Variants in STK31 observed in about 807,000 individuals in gnomAD.
STK31 encodes serine/threonine-protein kinase 31.
In STK31, 89 loss-of-function variants were observed where a neutral mutation model predicts 129.7. The ratio of observed to expected loss-of-function variants is 0.69; its 90% CI spans 0.58 to 0.82. The LOEUF (loss-of-function observed/expected upper bound fraction) is 0.82. Among genes scored for constraint, STK31 ranks in the 40% least tolerant of loss-of-function variants. STK31 has a pLI of 0.00. For missense variants in STK31, 1,187 were observed against 1,176.4 expected, an observed-to-expected ratio of 1.01 and a Z score of -0.13; for synonymous variants, 448 against 395.3, an observed-to-expected ratio of 1.13 and a Z score of -1.58.
At chr7:23,731,314 A>C (rs1787420790) in intron 6 of STK31, among the ~76,000 whole-genome samples, 1 of 152,178 alleles carries the variant, frequency 6.6e-6, no homozygotes, top group African/African-American at 2.4e-5. Flanking sequence ...TTTAGTTATT[A>C]ATTCTCAGCC....
At chr7:23,825,397 T>C (rs1464456401) in intron 23 of STK31, among the ~76,000 whole-genome samples, 9 of 152,266 alleles carry the variant, frequency 5.9e-5, no homozygotes, top group Admixed American at 5.2e-4. Context: ...GAGGTGTTTA[T>C]AGTATTCTCT....
At chr7:23,786,042 GA>G (rs199684197) in intron 18 of STK31, among the ~76,000 whole-genome samples, 12 of 148,668 alleles carry the variant, frequency 8.1e-5, no homozygotes, top group Admixed American at 4.0e-4. Flanking sequence ...TGTCTCACAA[GA>G]AAAAAAAATA....
At chr7:23,726,888 C>T (rs963691843) in intron 4 of STK31, among the ~76,000 whole-genome samples, 13 of 152,018 alleles carry the variant, frequency 8.6e-5, no homozygotes, top group Non-Finnish European at 1.5e-4. Context: ...AAAAATTGTA[C>T]CAATTATCGC....
chr7:23,811,068 G>T (rs893767572), intron 22 of STK31: 2 of 158,642 alleles, frequency 1.3e-5, no homozygotes, highest in Non-Finnish European at 2.7e-5. Flanking sequence ...TCTAAAGGCC[G>T]GGTGTTGTGT....
At chr7:23,738,231 C>G (rs190684549) in intron 8 of STK31, among the ~76,000 whole-genome samples, 3 of 152,228 alleles carry the variant, frequency 2.0e-5, no homozygotes, top group East Asian at 3.9e-4. Flanking sequence ...TCAGAAACAG[C>G]CAAATAAATG....
At position 23,780,042 on chromosome 7, in the gene STK31, A is replaced by G. The variant is rs547331638; in HGVS notation, c.1966-1377A>G. ...AAGCATAGTATCTGGGCCAGAATGAACCGTTCCTGATGGCACAGTCCCTCA... is the reference window on the plus strand; with the variant it reads ...AAGCATAGTATCTGGGCCAGAATGAGCCGTTCCTGATGGCACAGTCCCTCA... On this transcript the variant is annotated intron_variant, in intron 15 of 23. Coordinates refer to ENST00000355870, the MANE Select transcript of STK31 (RefSeq NM_031414.5). 3.3e-5 allele frequency among the ~76,000 whole-genome samples: 5 copies of G among 152,248 alleles called. No individual in the cohort carries two copies. The East Asian group carries it at 5.8e-4, about 18-fold the overall frequency.
chr7:23,739,888 A>T (rs959857246), intron 8 of STK31, among the ~76,000 whole-genome samples: 1 of 152,146 alleles, frequency 6.6e-6, no homozygotes, highest in African/African-American at 2.4e-5. Context: ...CTTGTAGTAT[A>T]GTTTGAAGTC....
At chr7:23,778,172 C>T (rs1289086431) in intron 15 of STK31, among the ~76,000 whole-genome samples, 2 of 152,220 alleles carry the variant, frequency 1.3e-5, no homozygotes, top group African/African-American at 4.8e-5. Flanking sequence ...CCCCCACTCT[C>T]TTCTGGCATT....
chr7:23,747,563 T>C (rs940918709), intron 8 of STK31, among the ~76,000 whole-genome samples: 1 of 151,430 alleles, frequency 6.6e-6, no homozygotes, highest in African/African-American at 2.4e-5. Context: ...AGAGACGGGG[T>C]TTCACTATGT....
chr7:23,767,677 T>C (rs1488725073), intron 11 of STK31, among the ~76,000 whole-genome samples: 1 of 152,244 alleles, frequency 6.6e-6, no homozygotes, highest in African/African-American at 2.4e-5. Context: ...ATCTGTGTTC[T>C]TGTGCTGTAC....
intron 9 of STK31, among the ~76,000 whole-genome samples, chr7:23,753,402 C>A (rs73080988): frequency 0.092 from 14,023 of 152,090 alleles, 675 homozygotes; most frequent in East Asian, 0.12. Context: ...GCAAGGGTGT[C>A]ATGTCCAGGA....
intron 15 of STK31, among the ~76,000 whole-genome samples, chr7:23,781,093 CTAT>C (rs765887413): frequency 7.9e-5 from 12 of 152,290 alleles, no homozygotes; most frequent in South Asian, 6.2e-4. Flanking sequence ...ATTCTGGTTG[CTAT>C]TATTAACATT....
chr7:23,797,011 G>A (rs10226714), intron 22 of STK31, among the ~76,000 whole-genome samples: 1 of 151,442 alleles, frequency 6.6e-6, no homozygotes. Flanking sequence ...TCAAGAAAGT[G>A]TAAGAAGGGC....
Position 23,787,898 on chromosome 7 carries a change from G to A in STK31, c.2488-82G>A. The A allele has an allele frequency of 8.1e-6, 11 of 1,355,980 alleles. 1 individual carries two copies. The South Asian group carries it at 1.9e-4, about 23-fold the overall frequency. The allele number at this position is 1,355,980 out of a possible 1,614,324, so 84.0% of individuals were successfully genotyped here. A position where few individuals can be genotyped will look rare whatever the true frequency, so the allele number is the denominator to read the frequency against. ...CGAGGAAACTTTACTCACTTCTAGAGCAGTCTTTTAATTAGAGAACAGTTT... is the reference window on the plus strand; with the variant it reads ...CGAGGAAACTTTACTCACTTCTAGAACAGTCTTTTAATTAGAGAACAGTTT... On this transcript the variant is annotated intron_variant, in intron 20 of 23. Coordinates refer to ENST00000355870, the MANE Select transcript of STK31 (RefSeq NM_031414.5).
intron 6 of STK31, among the ~76,000 whole-genome samples, chr7:23,730,878 A>ATATATATATATATATATATATATATTTTT: frequency 4.7e-4 from 28 of 59,522 alleles, no homozygotes; most frequent in South Asian, 8.2e-4. Context: ...ATATATATAT[A>ATATATATATATATATATATATATATTTTT]TTTTTTTTTT....
chr7:23,823,649 G>A (rs913001655), intron 23 of STK31, among the ~76,000 whole-genome samples: 6 of 152,318 alleles, frequency 3.9e-5, no homozygotes, highest in Admixed American at 1.3e-4. Flanking sequence ...TGCTTTTGGT[G>A]TTTTAGACAT....
chr7:23,755,293 C>G (rs995105590), intron 10 of STK31: 1 of 152,118 alleles, frequency 6.6e-6, no homozygotes. Context: ...ACATAAATGT[C>G]TTCTTTTGAG....
intron 21 of STK31, among the ~76,000 whole-genome samples, chr7:23,788,787 G>GTAAT (rs1791451297): frequency 6.6e-6 from 1 of 152,080 alleles, no homozygotes. Context: ...GGCCAAATCA[G>GTAAT]TAATTATTTT....
intron 4 of STK31, among the ~76,000 whole-genome samples, chr7:23,719,354 A>C (rs1274687327): frequency 6.6e-6 from 1 of 152,060 alleles, no homozygotes; most frequent in Non-Finnish European, 1.5e-5. Flanking sequence ...TCCTCAACAA[A>C]AACTCCCTCC....
Sources: allele counts gnomAD v4.1 joint callset (sites outside exome capture counted in the v4.1 genomes callset), GRCh38; gene constraint gnomAD v4.1.1; transcripts MANE v1.5; gene names NCBI Gene and HGNC (gene_info 2026-07-23, HGNC 2026-07-21).